RUNDC3B: variants seen among roughly 807,000 people sequenced by gnomAD.
RUNDC3B encodes the protein RUN domain containing 3B.
A neutral mutation model predicts 58.4 loss-of-function variants in RUNDC3B; 33 were observed. The observed-to-expected ratio is 0.56, with a 90% confidence interval of 0.43 to 0.75. RUNDC3B has a LOEUF of 0.75. Among genes scored for constraint, RUNDC3B ranks in the 30% least tolerant of loss-of-function variants. The pLI is 0.00. For synonymous variants in RUNDC3B, 193 were observed against 195.2 expected, an observed-to-expected ratio of 0.99 and a Z score of 0.10; for missense variants, 501 against 535.7, an observed-to-expected ratio of 0.94 and a Z score of 0.64.
At chr7:87,709,213 T>C in intron 3 of RUNDC3B, 1 of 983,370 alleles carries the variant, frequency 1.0e-6, no homozygotes, top group Non-Finnish European at 1.2e-6. Flanking sequence ...AGCAAGATTT[T>C]CCCTACATTT....
intron 3 of RUNDC3B, among the ~76,000 whole-genome samples, chr7:87,703,412 G>A (rs145818951): frequency 2.7e-4 from 41 of 152,046 alleles, no homozygotes; most frequent in African/African-American, 7.5e-4. Flanking sequence ...AACATTTTTA[G>A]CTCCTTAATA....
chr7:87,823,878 A>G (rs143976766), intron 10 of RUNDC3B, among the ~76,000 whole-genome samples: 141 of 151,978 alleles, frequency 9.3e-4, no homozygotes, highest in Non-Finnish European at 1.6e-3. Context: ...TTCTGTATCC[A>G]CTTGTTGATT....
chr7:87,690,758 G>A (rs187679729), intron 2 of RUNDC3B, among the ~76,000 whole-genome samples: 4 of 152,230 alleles, frequency 2.6e-5, no homozygotes, highest in Admixed American at 2.0e-4. Context: ...CCAATTTATA[G>A]ACAAGACTTG....
chr7:87,708,202 A>G (rs532074250), intron 3 of RUNDC3B, among the ~76,000 whole-genome samples: 140 of 152,260 alleles, frequency 9.2e-4, no homozygotes, highest in South Asian at 3.3e-3. Context: ...CAACCAAACT[A>G]AAAGTGTTTT....
At chr7:87,722,256 A>G (rs1297638411) in intron 4 of RUNDC3B, among the ~76,000 whole-genome samples, 1 of 152,034 alleles carries the variant, frequency 6.6e-6, no homozygotes, top group African/African-American at 2.4e-5. Flanking sequence ...TATACAATAT[A>G]TTATTATTAA....
chr7:87,780,991 T>C (rs1239090456), intron 8 of RUNDC3B, among the ~76,000 whole-genome samples: 1 of 152,176 alleles, frequency 6.6e-6, no homozygotes, highest in Non-Finnish European at 1.5e-5. Context: ...TTTTAGAATT[T>C]CTTTTCTAAT....
intron 1 of RUNDC3B, among the ~76,000 whole-genome samples, chr7:87,638,951 G>C (rs934650473): frequency 6.6e-6 from 1 of 152,074 alleles, no homozygotes; most frequent in Non-Finnish European, 1.5e-5. Context: ...AGGAGATCGA[G>C]ACTATCCTGG....
chr7:87,693,111 A>AT (rs1828164151), intron 2 of RUNDC3B, among the ~76,000 whole-genome samples: 1 of 152,168 alleles, frequency 6.6e-6, no homozygotes, highest in African/African-American at 2.4e-5. Context: ...AGGAAATGTT[A>AT]TTTTTTGGGA....
intron 6 of RUNDC3B, among the ~76,000 whole-genome samples, chr7:87,769,063 C>T (rs1234995721): frequency 6.6e-6 from 1 of 152,110 alleles, no homozygotes; most frequent in African/African-American, 2.4e-5. Context: ...TGCAGTGGCA[C>T]AATCTCAGCT....
chr7:87,748,942 C>T (rs1161861424), intron 6 of RUNDC3B, among the ~76,000 whole-genome samples: 3 of 152,120 alleles, frequency 2.0e-5, no homozygotes, highest in African/African-American at 7.2e-5. Context: ...TTTGAGCAGG[C>T]ATAAAATTAT....
chr7:87,704,077 C>T (rs187341705), intron 3 of RUNDC3B, among the ~76,000 whole-genome samples: 2 of 151,616 alleles, frequency 1.3e-5, no homozygotes, highest in African/African-American at 4.8e-5. Flanking sequence ...TGTGCCACCA[C>T]ACCTGGCTAA....
chr7:87,775,780 A>G (rs544267488), intron 7 of RUNDC3B, among the ~76,000 whole-genome samples: 2 of 152,298 alleles, frequency 1.3e-5, no homozygotes, highest in South Asian at 4.1e-4. Context: ...GTATAGTAAC[A>G]TGCTGTACAG....
At chr7:87,721,899 C>G (rs1405113972) in intron 4 of RUNDC3B, among the ~76,000 whole-genome samples, 5 of 151,650 alleles carry the variant, frequency 3.3e-5, no homozygotes, top group Non-Finnish European at 7.4e-5. Flanking sequence ...TATTTTATAG[C>G]GTTGCATTTT....
intron 8 of RUNDC3B, among the ~76,000 whole-genome samples, chr7:87,803,934 G>T (rs371098874): frequency 1.3e-5 from 2 of 151,964 alleles, no homozygotes; most frequent in East Asian, 1.9e-4. Flanking sequence ...ATATGTTGAG[G>T]AGATTCAGCA....
At chr7:87,817,266 T>C (rs940842035) in intron 10 of RUNDC3B, among the ~76,000 whole-genome samples, 2 of 152,214 alleles carry the variant, frequency 1.3e-5, no homozygotes, top group Admixed American at 1.3e-4. Context: ...TCTTCTCTAT[T>C]ACTGCAACCT....
At chr7:87,748,261 G>T (rs192554093) in intron 6 of RUNDC3B, among the ~76,000 whole-genome samples, 1 of 152,180 alleles carries the variant, frequency 6.6e-6, no homozygotes, top group Non-Finnish European at 1.5e-5. Context: ...TTCTCCAGTG[G>T]GGGTGTGTGT....
At chr7:87,763,563 TG>T (rs534461077) in intron 6 of RUNDC3B, among the ~76,000 whole-genome samples, 125 of 151,846 alleles carry the variant, frequency 8.2e-4, no homozygotes, top group African/African-American at 3.0e-3. Flanking sequence ...TTTAGTATTT[TG>T]AAAATATTTA....
intron 2 of RUNDC3B, among the ~76,000 whole-genome samples, chr7:87,692,382 A>C (rs1360700947): frequency 6.6e-6 from 1 of 152,184 alleles, no homozygotes; most frequent in Non-Finnish European, 1.5e-5. Context: ...GCTTGAGTCC[A>C]AGAATTTGAG....
At chr7:87,750,295 T>G (rs1761669237) in intron 6 of RUNDC3B, among the ~76,000 whole-genome samples, 1 of 151,960 alleles carries the variant, frequency 6.6e-6, no homozygotes, top group Non-Finnish European at 1.5e-5. Flanking sequence ...ACATTTGGGT[T>G]GGTTCCAAGT....
Sources: gnomAD v4.1 joint callset for allele counts (sites outside exome capture counted in the v4.1 genomes callset) on GRCh38, gnomAD v4.1.1 for gene constraint, MANE v1.5 for transcripts, NCBI Gene and HGNC (gene_info 2026-07-23, HGNC 2026-07-21) for gene names.